AFF2: variants seen among roughly 807,000 people sequenced by gnomAD.
AFF2 encodes AF4/FMR2 family member 2.
Under a neutral mutation model 76.9 loss-of-function variants are expected in AFF2, and 14 were observed. The ratio of observed to expected loss-of-function variants is 0.18; its 90% CI spans 0.12 to 0.28. The LOEUF is 0.28. Ranked by LOEUF, AFF2 falls within the 10% of genes least tolerant of loss-of-function variation. AFF2 has a pLI of 1.00. For synonymous variants in AFF2, 398 were observed against 366.7 expected, an observed-to-expected ratio of 1.09 and a Z score of -0.98; for missense variants, 868 against 1,001.1, an observed-to-expected ratio of 0.87 and a Z score of 1.79.
chrX:148,708,813 G>T (rs1196650695), intron 3 of AFF2, among the ~76,000 whole-genome samples: 1 of 112,486 alleles, frequency 8.9e-6, no homozygotes, highest in East Asian at 2.8e-4. Context: ...TATGCCTATA[G>T]ATTTTTGGAG....
At chrX:148,924,982 A>G (rs2071634783) in intron 9 of AFF2, among the ~76,000 whole-genome samples, 1 of 112,570 alleles carries the variant, frequency 8.9e-6, no homozygotes, top group Admixed American at 9.4e-5. Flanking sequence ...TAACCATTCC[A>G]TCAAACAGTA....
chrX:148,943,218 C>G (rs952174451), intron 9 of AFF2, among the ~76,000 whole-genome samples: 1 of 112,239 alleles, frequency 8.9e-6, no homozygotes, highest in South Asian at 3.7e-4. Context: ...ATCGTGTTTA[C>G]AATACAATTA....
intron 1 of AFF2, among the ~76,000 whole-genome samples, chrX:148,542,043 T>C (rs1201059811): frequency 9.1e-6 from 1 of 109,325 alleles, no homozygotes; most frequent in Admixed American, 1.0e-4. Context: ...AAAGAAAGCC[T>C]CTGGTGAGCA....
chrX:148,642,207 A>G (rs1250432304), intron 1 of AFF2, among the ~76,000 whole-genome samples: 1 of 112,241 alleles, frequency 8.9e-6, no homozygotes, highest in Non-Finnish European at 1.9e-5. Flanking sequence ...CCAAAAGGTT[A>G]AGCCTATAGG....
intron 1 of AFF2, among the ~76,000 whole-genome samples, chrX:148,602,838 A>T (rs868955163): frequency 1.3e-4 from 12 of 89,579 alleles, no homozygotes; most frequent in African/African-American, 2.9e-4. Context: ...TTTTTTTTTT[A>T]AATGGAATCT....
At chrX:148,837,814 A>C in intron 5 of AFF2, 81 bp downstream of exon 5, 1 of 656,373 alleles carries the variant, frequency 1.5e-6, no homozygotes, top group Admixed American at 2.6e-5. Flanking sequence ...AGTGGCAAAA[A>C]TGGCCTTGGT....
At chrX:148,894,294 T>C (rs2071256951) in intron 8 of AFF2, among the ~76,000 whole-genome samples, 1 of 111,666 alleles carries the variant, frequency 9.0e-6, no homozygotes. Context: ...CCCCCCCAGA[T>C]ATCTGCCATC....
At position 148,748,191 on chromosome X, in the gene AFF2, G is replaced by A. The variant is rs908306058; in HGVS notation, c.1042-61685G>A. On this transcript the variant is annotated intron_variant, in intron 3 of 20. Transcript: ENST00000370460. Reference sequence around the variant, plus strand: ...CAGTTAGCGGCACTACCACTGTAACGGATACACTGAATAACAATTGACTTC... The same window carrying A: ...CAGTTAGCGGCACTACCACTGTAACAGATACACTGAATAACAATTGACTTC... 4.5e-5 allele frequency among the ~76,000 whole-genome samples: 5 copies of A among 112,246 alleles called. No individual in the cohort carries two copies. In the East Asian group the frequency reaches 8.4e-4, roughly 19 times the overall value.
At chrX:148,713,100 C>T (rs2054988319) in intron 3 of AFF2, among the ~76,000 whole-genome samples, 1 of 110,687 alleles carries the variant, frequency 9.0e-6, no homozygotes, top group Non-Finnish European at 1.9e-5. Flanking sequence ...ACAAGGGGAA[C>T]AGCAAGTGCA....
At chrX:148,990,153 G>A (rs1473844984) in intron 20 of AFF2, among the ~76,000 whole-genome samples, 1 of 112,361 alleles carries the variant, frequency 8.9e-6, no homozygotes, top group Non-Finnish European at 1.9e-5. Flanking sequence ...AATCAAATGA[G>A]GTTGACACCT....
intron 7 of AFF2, among the ~76,000 whole-genome samples, chrX:148,858,289 A>T (rs1268974899): frequency 4.5e-5 from 5 of 111,782 alleles, no homozygotes; most frequent in African/African-American, 1.6e-4. Flanking sequence ...TTACTGAATG[A>T]TTATAATACA....
intron 8 of AFF2, among the ~76,000 whole-genome samples, chrX:148,897,845 A>C (rs189148628): frequency 0.011 from 1,236 of 110,846 alleles, 21 homozygotes; most frequent in African/African-American, 0.038. Context: ...AGAGTGACCA[A>C]GTGCCACTTA....
At chrX:148,711,462 C>A (rs1296148346) in intron 3 of AFF2, among the ~76,000 whole-genome samples, 1 of 112,043 alleles carries the variant, frequency 8.9e-6, no homozygotes, top group Admixed American at 9.5e-5. Context: ...TATAAAAATT[C>A]TTCTAGCAGC....
chrX:148,645,741 T>C (rs1378975035), intron 1 of AFF2, among the ~76,000 whole-genome samples: 2 of 112,383 alleles, frequency 1.8e-5, no homozygotes, highest in African/African-American at 6.5e-5. Context: ...ATTTGCATTG[T>C]CCATTGCTTA....
At position 148,773,685 on chromosome X, in the gene AFF2, GGAAAGAAAGAAAGAAAGAAA is replaced by G. The variant is rs1205912443; in HGVS notation, c.1042-36148_1042-36129del. On this transcript the variant is annotated intron_variant, in intron 3 of 20. Coordinates refer to ENST00000370460, the MANE Select transcript of AFF2 (RefSeq NM_002025.4). ...AGGAAGGAAAGAAGGAAGGAAGGAAGGAAAGAAAGAAAGAAAGAAAGAAAGAAAGAAAGAAAGAAAGAAAG... is the reference window on the plus strand; with the variant it reads ...AGGAAGGAAAGAAGGAAGGAAGGAAGGAAAGAAAGAAAGAAAGAAAGAAAG... 2.3e-3 allele frequency among the ~76,000 whole-genome samples: 119 copies of G among 51,428 alleles called. 1 individual carries two copies. Among genetic ancestry groups the G allele is most frequent in the South Asian group, 3.8e-3 (3 of 784 alleles). The allele number at this position is 51,428 out of a possible 115,157, so 44.7% of individuals were successfully genotyped here.
intron 19 of AFF2, among the ~76,000 whole-genome samples, chrX:148,986,958 A>G (rs2072479180): frequency 9.0e-6 from 1 of 111,508 alleles, no homozygotes; most frequent in Non-Finnish European, 1.9e-5. Flanking sequence ...AGTGGTGTGC[A>G]TGGAGCCCTC....
At chrX:148,639,039 G>C (rs1726922587) in intron 1 of AFF2, among the ~76,000 whole-genome samples, 2 of 111,867 alleles carry the variant, frequency 1.8e-5, no homozygotes, top group African/African-American at 6.5e-5. Context: ...TCATATTCTG[G>C]TTTTGCCCTG....
At chrX:148,735,391 A>G (rs35766589) in intron 3 of AFF2, among the ~76,000 whole-genome samples, 548 of 112,095 alleles carry the variant, frequency 4.9e-3, no homozygotes, top group Non-Finnish European at 7.7e-3. Flanking sequence ...CATGAAGACT[A>G]TGTTGGAACA....
chrX:148,524,774 G>A (rs1449704964), intron 1 of AFF2, among the ~76,000 whole-genome samples: 6 of 112,027 alleles, frequency 5.4e-5, no homozygotes, highest in African/African-American at 1.9e-4. Flanking sequence ...CAGAGAGCAG[G>A]CAGTAGGCGG....
Sources: gnomAD v4.1 joint callset for allele counts (sites outside exome capture counted in the v4.1 genomes callset) on GRCh38, gnomAD v4.1.1 for gene constraint, MANE v1.5 for transcripts, NCBI Gene and HGNC (gene_info 2026-07-23, HGNC 2026-07-21) for gene names.